Variants in PLSCR4 observed in about 807,000 individuals in gnomAD.
The protein encoded by PLSCR4 is phospholipid scramblase 4, also known as Ca(2+)-dependent phospholipid scramblase 4.
A neutral mutation model predicts 36.3 loss-of-function variants in PLSCR4; 25 were observed. The ratio of observed to expected loss-of-function variants is 0.69; its 90% CI spans 0.50 to 0.96. The LOEUF (loss-of-function observed/expected upper bound fraction) is 0.96. PLSCR4 is among the 40% of genes least tolerant of loss of function. The probability of loss-of-function intolerance (pLI) is 0.00; values close to 1 mark genes in which losing one functional copy is unlikely to be tolerated. For missense variants in PLSCR4, 408 were observed against 414.7 expected (o/e 0.98, Z 0.14); for synonymous variants, 122 against 132.9 (o/e 0.92, Z 0.56).
intron 1 of PLSCR4, among the ~76,000 whole-genome samples, chr3:146,233,410 T>C (rs114080515): frequency 0.014 from 2,124 of 152,270 alleles, 53 homozygotes; most frequent in African/African-American, 0.049. Flanking sequence ...TACATTTCAA[T>C]TTAAAGCTAA....
chr3:146,218,775 C>T (rs1055835907), intron 3 of PLSCR4, among the ~76,000 whole-genome samples: 1 of 152,144 alleles, frequency 6.6e-6, no homozygotes, highest in African/African-American at 2.4e-5. Context: ...CGTTGTCCTA[C>T]CAATACTGGT....
At position 146,192,423 on chromosome 3, in the gene PLSCR4, A is replaced by G. The variant is rs2033437685; in HGVS notation, c.*1988T>C. ...ACAAATTCCAGAGAATTTGTTTTTT[A>G]ATCAATCCGATCAATTTTACACAAC... On this transcript the variant is annotated 3_prime_UTR_variant, in exon 9 of 9. Coordinates refer to ENST00000354952, the MANE Select transcript of PLSCR4 (RefSeq NM_020353.3). The G allele has an allele frequency of 1.3e-5, 2 of 151,100 alleles. No individual in the cohort carries two copies. The highest frequency in any genetic ancestry group is 2.1e-4 in the South Asian group (1 of 4,822). The allele number at this position is 151,100 out of a possible 1,614,324, so 9.4% of individuals were successfully genotyped here.
chr3:146,219,695 T>G (rs945717208), intron 3 of PLSCR4, among the ~76,000 whole-genome samples: 4 of 152,092 alleles, frequency 2.6e-5, no homozygotes, highest in African/African-American at 9.7e-5. Flanking sequence ...GGCAGGTGGA[T>G]CACCTGAGGT....
chr3:146,196,787 C>A lies in PLSCR4; in HGVS notation c.631G>T (p.Val211Leu), dbSNP rs746725821. The change falls in exon 7 of 9, where the codon GTG becomes TTG. Residue 211 changes from valine (V) to leucine (L), a missense_variant. Physicochemically the swap from Val to Leu is conservative, Grantham distance 32. Coordinates refer to ENST00000354952, the MANE Select transcript of PLSCR4 (RefSeq NM_020353.3). ...ATGGTGACACCAGGAGGACACTGCA[C>A]CTCCAGCTGCAAACAAAACAGTGAC... is the stretch of plus-strand genomic sequence containing the variant. The part of the protein sequence containing the change: ...CCPSARQELE[V>L]QCPPGVTIGF... 3 of 1,613,708 alleles carry A rather than the reference C, an allele frequency of 1.9e-6. No individual in the cohort carries two copies. Among genetic ancestry groups the A allele is most frequent in the Non-Finnish European group, 2.5e-6 (3 of 1,179,794 alleles).
intron 1 of PLSCR4, among the ~76,000 whole-genome samples, chr3:146,244,359 T>C (rs1201481925): frequency 6.6e-6 from 1 of 152,190 alleles, no homozygotes; most frequent in Non-Finnish European, 1.5e-5. Flanking sequence ...TGTTTTACTG[T>C]GCTTTGCTAT....
chr3:146,240,538 G>A (rs937260133), intron 1 of PLSCR4, among the ~76,000 whole-genome samples: 4 of 152,210 alleles, frequency 2.6e-5, no homozygotes, highest in Non-Finnish European at 4.4e-5. Context: ...CCAGGAGTTC[G>A]AGGCTGCACT....
intron 1 of PLSCR4, among the ~76,000 whole-genome samples, chr3:146,230,671 A>G (rs1485665491): frequency 1.3e-5 from 2 of 152,180 alleles, no homozygotes; most frequent in African/African-American, 2.4e-5. Flanking sequence ...GCCTCCTGGT[A>G]AGGACAATGA....
intron 1 of PLSCR4, among the ~76,000 whole-genome samples, chr3:146,245,737 TACAATA>T (rs2036312365): frequency 1.7e-5 from 1 of 59,016 alleles, no homozygotes; most frequent in African/African-American, 3.8e-5. Context: ...TTAAATTTTC[TACAATA>T]AATGTATAAT....
chr3:146,244,645 T>C (rs1297292056), intron 1 of PLSCR4, among the ~76,000 whole-genome samples: 1 of 152,148 alleles, frequency 6.6e-6, no homozygotes, highest in Non-Finnish European at 1.5e-5. Flanking sequence ...TTGTTGTGAC[T>C]GCTCCACAGA....
intron 4 of PLSCR4, among the ~76,000 whole-genome samples, chr3:146,205,144 T>C (rs955810643): frequency 1.3e-5 from 2 of 152,038 alleles, no homozygotes; most frequent in African/African-American, 4.8e-5. Context: ...AAGTTTCTTC[T>C]TTATAATGTA....
intron 3 of PLSCR4, among the ~76,000 whole-genome samples, chr3:146,216,059 C>T (rs180817434): frequency 2.0e-5 from 3 of 151,980 alleles, no homozygotes; most frequent in East Asian, 1.9e-4. Context: ...GGTGAAACCC[C>T]GTCTCTACCG....
chr3:146,247,606 T>C (rs1235997542), intron 1 of PLSCR4, among the ~76,000 whole-genome samples: 1 of 152,148 alleles, frequency 6.6e-6, no homozygotes, highest in Non-Finnish European at 1.5e-5. Context: ...TTATCATTTG[T>C]CTTCACTGCA....
At chr3:146,250,266 TC>T (rs1453625306) in intron 1 of PLSCR4, among the ~76,000 whole-genome samples, 3 of 152,196 alleles carry the variant, frequency 2.0e-5, no homozygotes, top group East Asian at 3.8e-4. Context: ...GGCAATCTAT[TC>T]CCCTTTAAGC....
rs1021884208 is a variant in PLSCR4 at position 146,216,179 on chromosome 3, C to T, written c.118+4636G>A. Among the ~76,000 whole-genome samples the T allele has an allele frequency of 1.2e-4, 19 of 152,164 alleles. 5 individuals are homozygous for T. Among genetic ancestry groups the T allele is most frequent in the Admixed American group, 6.5e-5 (1 of 15,284 alleles). ...CCGGGAAGCGGAGGTTACAGTTAGC[C>T]GAGATTGCATCACTGTACTCCAGCC... is the stretch of plus-strand genomic sequence containing the variant. On this transcript the variant is annotated intron_variant, in intron 3 of 8. Coordinates refer to ENST00000354952, the MANE Select transcript of PLSCR4 (RefSeq NM_020353.3).
intron 1 of PLSCR4, among the ~76,000 whole-genome samples, chr3:146,234,739 G>A (rs1459729235): frequency 6.6e-6 from 1 of 152,136 alleles, no homozygotes; most frequent in Admixed American, 6.6e-5. Flanking sequence ...CTATAAAGTT[G>A]TTTATGAACT....
intron 4 of PLSCR4, among the ~76,000 whole-genome samples, chr3:146,204,649 C>T (rs1256422459): frequency 6.6e-6 from 1 of 151,698 alleles, no homozygotes; most frequent in East Asian, 1.9e-4. Context: ...TCATAAAATA[C>T]GTTAAATTAA....
chr3:146,212,955 G>C (rs1437151855), intron 3 of PLSCR4, among the ~76,000 whole-genome samples: 2 of 152,070 alleles, frequency 1.3e-5, no homozygotes, highest in African/African-American at 4.8e-5. Context: ...TGTGATTTCT[G>C]TGCTTACTGA....
chr3:146,230,784 G>A (rs1304138389), intron 1 of PLSCR4, among the ~76,000 whole-genome samples: 5 of 152,146 alleles, frequency 3.3e-5, no homozygotes, highest in Admixed American at 6.5e-5. Flanking sequence ...TTGGATGGAC[G>A]CTTCAGCTAG....
At chr3:146,243,224 C>T (rs1479699727) in intron 1 of PLSCR4, among the ~76,000 whole-genome samples, 5 of 151,904 alleles carry the variant, frequency 3.3e-5, no homozygotes, top group South Asian at 2.1e-4. Flanking sequence ...ATATGCTCTA[C>T]CAACTGTATA....
Sources: allele counts gnomAD v4.1 joint callset (sites outside exome capture counted in the v4.1 genomes callset), GRCh38; gene constraint gnomAD v4.1.1; transcripts MANE v1.5; gene names NCBI Gene and HGNC (gene_info 2026-07-23, HGNC 2026-07-21).